The following BCAR3 variants were observed in gnomAD, a reference collection of about 807,000 sequenced individuals.
BCAR3 encodes BCAR3 adaptor protein, NSP family member.
A neutral mutation model predicts 80.1 loss-of-function variants in BCAR3; 37 were observed. That is an observed-to-expected ratio of 0.46 (90% CI 0.36 to 0.61). The LOEUF (loss-of-function observed/expected upper bound fraction) is 0.61. BCAR3 is among the 20% of genes least tolerant of loss of function. BCAR3 has a pLI of 0.00. For synonymous variants in BCAR3, 389 were observed against 418.9 expected (o/e 0.93, Z 0.87); for missense variants, 978 against 1,068.2 (o/e 0.92, Z 1.18).
At chr1:93,575,556 T>C (rs1229293065) in intron 8 of BCAR3, among the ~76,000 whole-genome samples, 1 of 152,136 alleles carries the variant, frequency 6.6e-6, no homozygotes, top group African/African-American at 2.4e-5. Context: ...AAGAAAACAC[T>C]GTCTAGACTC....
intron 2 of BCAR3, among the ~76,000 whole-genome samples, chr1:93,808,697 CAGAAGT>C (rs1395994148): frequency 1.3e-5 from 2 of 151,608 alleles, no homozygotes; most frequent in Middle Eastern, 3.2e-3. Flanking sequence ...CTGGAACAAA[CAGAAGT>C]AGAATCAGTT....
chr1:93,562,073 CATAA>C lies in BCAR3; in HGVS notation c.*164_*167del. On this transcript the variant is annotated 3_prime_UTR_variant, in exon 12 of 12. Coordinates refer to ENST00000260502, the MANE Select transcript of BCAR3 (RefSeq NM_003567.4). ...AAATCAGTAGTAACTTTAGACAATT[CATAA>C]ATAAGTGTGCTCTGTGCAATTTACA... 1.8e-6 allele frequency: 1 copy of C among 547,704 alleles called. No homozygotes were observed. The highest frequency in any genetic ancestry group is 2.9e-6 in the Non-Finnish European group (1 of 344,248). The allele number at this position is 547,704 out of a possible 1,614,324, so 33.9% of individuals were successfully genotyped here.
intron 2 of BCAR3, among the ~76,000 whole-genome samples, chr1:93,741,906 A>G (rs917105227): frequency 1.3e-5 from 2 of 152,198 alleles, no homozygotes; most frequent in African/African-American, 4.8e-5. Context: ...ATGATGTGGT[A>G]AGGAACGCAT....
At chr1:93,842,202 G>C (rs1255313607) in intron 2 of BCAR3, among the ~76,000 whole-genome samples, 3 of 150,580 alleles carry the variant, frequency 2.0e-5, no homozygotes, top group Non-Finnish European at 2.9e-5. Flanking sequence ...CCAGGCTGGA[G>C]TGCAAATACT....
intron 3 of BCAR3, among the ~76,000 whole-genome samples, chr1:93,693,052 C>G (rs1649252536): frequency 6.6e-6 from 1 of 152,164 alleles, no homozygotes; most frequent in South Asian, 2.1e-4. Context: ...GCAGCTGCCT[C>G]TCCAGTGCCC....
intron 2 of BCAR3, among the ~76,000 whole-genome samples, chr1:93,790,634 A>ATTCTTTTTTTTTTTTTTTTTTTTATTTTT (rs1234204229): frequency 9.3e-6 from 1 of 107,426 alleles, no homozygotes; most frequent in African/African-American, 4.1e-5. Context: ...TTTTGTATTC[A>ATTCTTTTTTTTTTTTTTTTTTTTATTTTT]TTTTTTTTTT....
chr1:93,758,929 C>T (rs569807491), intron 2 of BCAR3, among the ~76,000 whole-genome samples: 3 of 152,310 alleles, frequency 2.0e-5, no homozygotes, highest in South Asian at 4.1e-4. Context: ...GGCTGGTTGG[C>T]CAGATGCCAG....
At chr1:93,594,296 C>T (rs1674334469) in intron 3 of BCAR3, 2 of 152,262 alleles carry the variant, frequency 1.3e-5, no homozygotes, top group African/African-American at 4.8e-5. Context: ...GCCCTCAAGT[C>T]ATCTGAAGCC....
chr1:93,713,861 A>G (rs181150542), intron 2 of BCAR3, among the ~76,000 whole-genome samples: 2 of 152,346 alleles, frequency 1.3e-5, no homozygotes, highest in East Asian at 3.9e-4. Flanking sequence ...GGAAGCCAAA[A>G]TTCATTCTTT....
chr1:93,634,064 T>A (rs1675704138), intron 3 of BCAR3, among the ~76,000 whole-genome samples: 1 of 152,252 alleles, frequency 6.6e-6, no homozygotes. Flanking sequence ...TCTATTTCTA[T>A]CATCCCTGGA....
At chr1:93,631,380 C>T (rs1256506787) in intron 3 of BCAR3, among the ~76,000 whole-genome samples, 1 of 152,210 alleles carries the variant, frequency 6.6e-6, no homozygotes, top group Non-Finnish European at 1.5e-5. Flanking sequence ...CAACATATCG[C>T]TTTTGGGGGA....
rs35143036 is a variant in BCAR3, at chr1:93,591,168, T to TAAAAAAAAA, written c.486+1088_486+1096dup. Among the ~76,000 whole-genome samples the TAAAAAAAAA allele has an allele frequency of 7.5e-5, 5 of 66,328 alleles. 1 individual carries two copies. Among genetic ancestry groups the TAAAAAAAAA allele is most frequent in the African/African-American group, 3.4e-4 (4 of 11,852 alleles). The allele number at this position is 66,328 out of a possible 152,430, so 43.5% of individuals were successfully genotyped here. A position where few individuals can be genotyped will look rare whatever the true frequency, so the allele number is the denominator to read the frequency against. ...GATTGTGCCAAGAAATCTACTACAT[T>TAAAAAAAAA]AAAAAAAAAAAAAAAAAAAAAAAAG... On this transcript the variant is annotated intron_variant, in intron 4 of 11. Transcript: ENST00000260502.
chr1:93,647,651 C>T, intron 2 of BCAR3, among the ~76,000 whole-genome samples: 1 of 152,302 alleles, frequency 6.6e-6, no homozygotes, highest in Non-Finnish European at 1.5e-5. Context: ...CACTTTGCTG[C>T]TCTTGGTTAT....
chr1:93,726,131 C>T (rs1650574126), intron 2 of BCAR3, among the ~76,000 whole-genome samples: 1 of 151,926 alleles, frequency 6.6e-6, no homozygotes, highest in Non-Finnish European at 1.5e-5. Flanking sequence ...CAGTGGCAAA[C>T]ACAGCTCAAT....
rs1295445132 is a variant in BCAR3 at position 93,561,862 on chromosome 1, C to G, written c.*379G>C. The stretch of plus-strand genomic sequence containing the variant: ...TATTTGTTTAAAGAATATCATATAA[C>G]TGATACCTTCTGAAATGTTTCATGC... On this transcript the variant is annotated 3_prime_UTR_variant, in exon 12 of 12. Coordinates refer to ENST00000260502, the MANE Select transcript of BCAR3 (RefSeq NM_003567.4). 6.2e-6 allele frequency: 1 copy of G among 160,366 alleles called. No homozygotes were observed. Among genetic ancestry groups the G allele is most frequent in the African/African-American group, 2.4e-5 (1 of 41,726 alleles). 9.9% of individuals were successfully genotyped at this position (160,366 alleles called of 1,614,324 possible).
chr1:93,604,992 A>G (rs1004421413), intron 3 of BCAR3, among the ~76,000 whole-genome samples: 1 of 152,200 alleles, frequency 6.6e-6, no homozygotes, highest in Non-Finnish European at 1.5e-5. Context: ...CTCAAAGCTC[A>G]GCTCCAAGGG....
At position 93,567,866 on chromosome 1, in the gene BCAR3, G is replaced by A. The variant is rs576165350; in HGVS notation, c.1975-15C>T. 2 of 1,602,152 alleles carry A rather than the reference G, an allele frequency of 1.2e-6. No homozygotes were observed. Among genetic ancestry groups the A allele is most frequent in the African/African-American group, 2.7e-5 (2 of 74,746 alleles). On this transcript the variant is annotated splice_polypyrimidine_tract_variant and intron_variant, in intron 9 of 11. Coordinates refer to ENST00000260502, the MANE Select transcript of BCAR3 (RefSeq NM_003567.4). ...AACCTTGTGATCTGGAAGAAAGGTGGTGTTTTGGAAAAGGTTCTTTTTAAA... is the reference window on the plus strand; with the variant it reads ...AACCTTGTGATCTGGAAGAAAGGTGATGTTTTGGAAAAGGTTCTTTTTAAA...
intron 2 of BCAR3, among the ~76,000 whole-genome samples, chr1:93,790,629 T>TGAAATC (rs1264627349): frequency 7.5e-6 from 1 of 133,288 alleles, no homozygotes; most frequent in African/African-American, 3.1e-5. Context: ...TTTTTTTTTG[T>TGAAATC]ATTCATTTTT....
chr1:93,765,460 A>G (rs1652111599), intron 2 of BCAR3, among the ~76,000 whole-genome samples: 1 of 151,894 alleles, frequency 6.6e-6, no homozygotes, highest in Admixed American at 6.6e-5. Context: ...TCTTTAAACT[A>G]CTCTACTGAG....
Sources: allele counts gnomAD v4.1 joint callset (sites outside exome capture counted in the v4.1 genomes callset), GRCh38; gene constraint gnomAD v4.1.1; transcripts MANE v1.5; gene names NCBI Gene and HGNC (gene_info 2026-07-23, HGNC 2026-07-21).